The following LRRC75A variants were observed in gnomAD, a reference collection of about 807,000 sequenced individuals.
LRRC75A encodes leucine rich repeat containing 75A.
Under a neutral mutation model 26.0 loss-of-function variants are expected in LRRC75A, and 12 were observed. The observed-to-expected ratio is 0.46, with a 90% CI of 0.30 to 0.75. The LOEUF is 0.75. Ranked by LOEUF, LRRC75A falls within the 30% of genes least tolerant of loss-of-function variation. The pLI, the probability that LRRC75A is intolerant of heterozygous loss-of-function variation, is 0.08. For missense variants in LRRC75A, 410 were observed against 486.6 expected, an observed-to-expected ratio of 0.84 and a Z score of 1.48; for synonymous variants, 223 against 219.3, an observed-to-expected ratio of 1.02 and a Z score of -0.15.
chr17:16,447,667 C>G (rs761408656), intron 3 of LRRC75A, among the ~76,000 whole-genome samples, 178 bp downstream of exon 3: 25 of 152,112 alleles, frequency 1.6e-4, no homozygotes, highest in African/African-American at 4.1e-4. Flanking sequence ...CCCACCAGAC[C>G]AGGGTCCCCC....
At chr17:16,464,579 C>A (rs974238634) in intron 1 of LRRC75A, among the ~76,000 whole-genome samples, 1 of 152,230 alleles carries the variant, frequency 6.6e-6, no homozygotes, top group Admixed American at 6.5e-5. Context: ...TTTCTGCCCC[C>A]TCCTCCCTGG....
Position 16,467,320 on chromosome 17 carries a change from CTGT to C in LRRC75A, c.247-4937_247-4935del, listed in dbSNP as rs1293255122. Among the ~76,000 whole-genome samples the C allele has an allele frequency of 3.9e-5, 6 of 152,202 alleles. No homozygotes were observed. The East Asian group carries it at 1.2e-3, about 29-fold the overall frequency. On this transcript the variant is annotated intron_variant, in intron 1 of 3. Transcript: ENST00000470794. Reference sequence around the variant, plus strand: ...AAGCGTGAGGCACTGTAAGGAGCTGCTGTTATTTTTTTTAGATGTGAAAACAAC... The same window carrying C: ...AAGCGTGAGGCACTGTAAGGAGCTGCTATTTTTTTTAGATGTGAAAACAAC...
At chr17:16,460,306 A>G in intron 2 of LRRC75A, among the ~76,000 whole-genome samples, 1 of 152,212 alleles carries the variant, frequency 6.6e-6, no homozygotes. Flanking sequence ...AATGGACCAC[A>G]ACAACCCAGG....
At chr17:16,490,467 C>T (rs994434857) in intron 1 of LRRC75A, among the ~76,000 whole-genome samples, 2 of 152,190 alleles carry the variant, frequency 1.3e-5, no homozygotes, top group African/African-American at 2.4e-5. Context: ...GCGTCTCGGG[C>T]ATCATTCTGG....
Position 16,442,375 on chromosome 17 carries a change from C to G in LRRC75A, c.*1213G>C, listed in dbSNP as rs534249777. 3.3e-5 allele frequency: 5 copies of G among 152,414 alleles called. No individual in the cohort carries two copies. The highest frequency in any genetic ancestry group is 9.6e-5 in the African/African-American group (4 of 41,584). 9.4% of individuals were successfully genotyped at this position (152,414 alleles called of 1,614,324 possible). A position where few individuals can be genotyped will look rare whatever the true frequency, so the allele number is the denominator to read the frequency against. ...AAGGCCTGTCAAGAGGGTCCTCCCC[C>G]ATACTGTTTGCCCACAAGGTTCAAG... On this transcript the variant is annotated 3_prime_UTR_variant, in exon 4 of 4. Transcript: ENST00000470794.
chr17:16,447,921 G>A lies in LRRC75A; in HGVS notation c.415C>T (p.Gln139Ter). 3 of 1,550,936 alleles carry A rather than the reference G, an allele frequency of 1.9e-6. No homozygotes were observed. The highest frequency in any genetic ancestry group is 2.4e-5 in the East Asian group (1 of 40,918). ...TGGGGGCTGAGGTGGTATGTCAGCTGCCGGCACAGCTTCTCCATGGCGCCC... is the reference window on the plus strand; with the variant it reads ...TGGGGGCTGAGGTGGTATGTCAGCTACCGGCACAGCTTCTCCATGGCGCCC... The part of the protein sequence containing the change: ...ALGAMEKLCR[Q>*]LTYHLSPHSQ... The change falls in exon 3 of 4, where the codon CAG becomes TAG. Residue 139 changes from glutamine (Q) to a stop codon, truncating the protein, a stop_gained. Transcript: ENST00000470794. LOFTEE classifies it high-confidence loss of function.
At chr17:16,471,739 C>T (rs1241354258) in intron 1 of LRRC75A, among the ~76,000 whole-genome samples, 2 of 152,198 alleles carry the variant, frequency 1.3e-5, no homozygotes, top group Non-Finnish European at 2.9e-5. Flanking sequence ...GAAGGAAATG[C>T]TGACACTGTC....
intron 2 of LRRC75A, among the ~76,000 whole-genome samples, chr17:16,452,078 G>A (rs2093636628): frequency 6.6e-6 from 1 of 151,232 alleles, no homozygotes; most frequent in African/African-American, 2.4e-5. Flanking sequence ...TGGGCCAGGT[G>A]CTGTGGCTCA....
intron 1 of LRRC75A, among the ~76,000 whole-genome samples, chr17:16,487,265 G>A (rs2093849016): frequency 6.6e-6 from 1 of 152,232 alleles, no homozygotes; most frequent in African/African-American, 2.4e-5. Flanking sequence ...CCTGCTCGGT[G>A]TCTGGTAGCC....
In LRRC75A at chr17:16,491,387, C is replaced by T. The variant is rs77128838; in HGVS notation, c.246+358G>A. Among the ~76,000 whole-genome samples, 5,261 of 152,328 alleles carry T rather than the reference C, an allele frequency of 0.035. 288 individuals are homozygous for T. Among genetic ancestry groups the T allele is most frequent in the African/African-American group, 0.12 (4,966 of 41,574 alleles). ...CCGGGAGTGACTGCCAGTGGGCAGA[C>T]AGGAAGAAAAGAGCCCTGGCCCAGA... On this transcript the variant is annotated intron_variant, in intron 1 of 3. Transcript: ENST00000470794. The surrounding 1 kb of genome is among the most constrained non-coding windows in gnomAD (Gnocchi z 5.9).
intron 1 of LRRC75A, chr17:16,463,586 CAG>C: frequency 6.6e-6 from 1 of 152,286 alleles, no homozygotes. Flanking sequence ...GCTCCCAGCC[CAG>C]GTGGCTGGGG....
At chr17:16,456,099 GGGAGGGGGAGGAGGAGGAGT>G (rs2093675493) in intron 2 of LRRC75A, among the ~76,000 whole-genome samples, 14 of 134,138 alleles carry the variant, frequency 1.0e-4, no homozygotes, top group African/African-American at 4.1e-4. Context: ...GAGGAGGAAG[GGGAGGGGGAGGAGGAGGAGT>G]AGCAGTAGTA....
At chr17:16,487,500 T>C (rs886902686) in intron 1 of LRRC75A, among the ~76,000 whole-genome samples, 1 of 152,144 alleles carries the variant, frequency 6.6e-6, no homozygotes, top group Non-Finnish European at 1.5e-5. Flanking sequence ...GTGCAGAGGC[T>C]TGATCTCGGC....
intron 2 of LRRC75A, among the ~76,000 whole-genome samples, chr17:16,456,392 A>T (rs1204009387): frequency 6.8e-6 from 1 of 147,826 alleles, no homozygotes; most frequent in African/African-American, 2.5e-5. Context: ...GAAGAGAAGA[A>T]GGAAAAGGAG....
chr17:16,476,375 A>T (rs1165240168), intron 1 of LRRC75A, among the ~76,000 whole-genome samples: 5 of 151,484 alleles, frequency 3.3e-5, no homozygotes, highest in African/African-American at 1.2e-4. Flanking sequence ...CTCAAAAAAA[A>T]AAATTTTTTT....
chr17:16,470,914 C>A (rs2093803684), intron 1 of LRRC75A, among the ~76,000 whole-genome samples: 1 of 152,134 alleles, frequency 6.6e-6, no homozygotes, highest in Non-Finnish European at 1.5e-5. Context: ...AGACTTCATT[C>A]TTTCCCCATG....
intron 2 of LRRC75A, among the ~76,000 whole-genome samples, chr17:16,448,618 T>C (rs36058902): frequency 0.25 from 38,748 of 152,128 alleles, 6,305 homozygotes; most frequent in Non-Finnish European, 0.35. Flanking sequence ...TAACCCCTAG[T>C]ACCTTGGAAT....
chr17:16,457,755 C>T (rs998760484), intron 2 of LRRC75A, among the ~76,000 whole-genome samples: 11 of 151,934 alleles, frequency 7.2e-5, no homozygotes, highest in Admixed American at 4.6e-4. Flanking sequence ...TGCTTGAGGC[C>T]AGGAGTTTGA....
rs2093735592 is a variant in LRRC75A, at chr17:16,462,491, C to A, written c.247-105G>T. On this transcript the variant is annotated intron_variant, in intron 1 of 3. Transcript: ENST00000470794. The surrounding 1 kb of genome is among the most constrained non-coding windows in gnomAD (Gnocchi z 4.6). Reference sequence around the variant, plus strand: ...AGACCCCTAGAGGCGACTCTGCCTCCCAGAGCCCCGGTGGGGAGCATCTGC... The same window carrying A: ...AGACCCCTAGAGGCGACTCTGCCTCACAGAGCCCCGGTGGGGAGCATCTGC... 6.8e-7 allele frequency: 1 copy of A among 1,480,094 alleles called. No homozygotes were observed. Among genetic ancestry groups the A allele is most frequent in the Admixed American group, 2.0e-5 (1 of 50,996 alleles). 91.7% of individuals were successfully genotyped at this position (1,480,094 alleles called of 1,614,324 possible). A position where few individuals can be genotyped will look rare whatever the true frequency, so the allele number is the denominator to read the frequency against.
Sources: gnomAD v4.1 joint callset for allele counts (sites outside exome capture counted in the v4.1 genomes callset) on GRCh38, gnomAD v4.1.1 for gene constraint, Gnocchi (gnomAD v3.1) non-coding constraint, MANE v1.5 for transcripts, NCBI Gene and HGNC (gene_info 2026-07-23, HGNC 2026-07-21) for gene names.